The following LRMDA variants were observed in gnomAD, a reference collection of about 807,000 sequenced individuals.
LRMDA encodes leucine rich melanocyte differentiation associated.
Under a neutral mutation model 29.8 loss-of-function variants are expected in LRMDA, and 18 were observed. That is an observed-to-expected ratio of 0.60 (90% confidence interval 0.42 to 0.90). LRMDA has a LOEUF of 0.90. Among genes scored for constraint, LRMDA ranks in the 40% least tolerant of loss-of-function variants. The pLI is 0.00. For synonymous variants in LRMDA, 125 were observed against 109.4 expected (o/e 1.14, Z -0.89); for missense variants, 273 against 273.9 (o/e 1.00, Z 0.02).
At chr10:76,450,226 A>C (rs1248412939) in intron 6 of LRMDA, among the ~76,000 whole-genome samples, 1 of 152,086 alleles carries the variant, frequency 6.6e-6, no homozygotes, top group Non-Finnish European at 1.5e-5. Flanking sequence ...CTCTTAAGTT[A>C]TAGACTTTTC....
rs200930794 is a variant in LRMDA at position 75,552,603 on chromosome 10, TG to T, written c.131+114111del. The stretch of plus-strand genomic sequence containing the variant: ...GGATTTTCTGAGGTTCTTTGAACTG[TG>T]GTTTGCTCTTTTTAATTAATTTTGG... On this transcript the variant is annotated intron_variant, in intron 2 of 6. Coordinates refer to ENST00000611255, the MANE Select transcript of LRMDA (RefSeq NM_001305581.2). 2.7e-3 allele frequency: 1,207 copies of T among 447,802 alleles called. 11 individuals are homozygous for T. Among genetic ancestry groups the T allele is most frequent in the African/African-American group, 0.02 (975 of 48,084 alleles). The allele number at this position is 447,802 out of a possible 1,614,324, so 27.7% of individuals were successfully genotyped here.
chr10:76,214,468 C>T (rs1414839217), intron 5 of LRMDA, among the ~76,000 whole-genome samples: 1 of 151,810 alleles, frequency 6.6e-6, no homozygotes, highest in Non-Finnish European at 1.5e-5. Context: ...CCTCAGCCTC[C>T]CGAGTAGCTG....
At chr10:76,473,351 A>T (rs1589203583) in intron 6 of LRMDA, among the ~76,000 whole-genome samples, 1 of 151,556 alleles carries the variant, frequency 6.6e-6, no homozygotes, top group South Asian at 2.1e-4. Context: ...AAACTAGGAA[A>T]AGAAAGCTTC....
At chr10:76,028,684 T>C (rs1848100659) in intron 2 of LRMDA, among the ~76,000 whole-genome samples, 1 of 152,150 alleles carries the variant, frequency 6.6e-6, no homozygotes. Context: ...CATAGAGCAA[T>C]TTGAGCCATT....
intron 5 of LRMDA, among the ~76,000 whole-genome samples, chr10:76,081,199 G>A (rs562673896): frequency 1.3e-5 from 2 of 152,304 alleles, no homozygotes; most frequent in South Asian, 2.1e-4. Context: ...TATCTGGCAG[G>A]ATGCGGTGAC....
rs75929018 is a variant in LRMDA at position 75,938,727 on chromosome 10, T to C, written c.132-97281T>C. The stretch of plus-strand genomic sequence containing the variant: ...ACACTTTAAAGTGTAGTATCTGTTA[T>C]AGTGGCACTGCCTGAAGACCCTGAA... On this transcript the variant is annotated intron_variant, in intron 2 of 6. Transcript: ENST00000611255. Among the ~76,000 whole-genome samples the C allele has an allele frequency of 6.3e-3, 953 of 152,278 alleles. 52 individuals carry two copies. In the East Asian group the frequency reaches 0.14, roughly 23 times the overall value.
At chr10:76,256,972 A>C (rs1852606662) in intron 5 of LRMDA, among the ~76,000 whole-genome samples, 1 of 152,052 alleles carries the variant, frequency 6.6e-6, no homozygotes, top group Admixed American at 6.5e-5. Context: ...TTGAGAGATA[A>C]AGAAACAGGT....
At chr10:75,828,354 T>C (rs1456944132) in intron 2 of LRMDA, among the ~76,000 whole-genome samples, 1 of 152,234 alleles carries the variant, frequency 6.6e-6, no homozygotes, top group Admixed American at 6.5e-5. Flanking sequence ...CTATTTTATT[T>C]AGCAGGCATT....
chr10:75,839,902 G>C (rs1050442119), intron 2 of LRMDA, among the ~76,000 whole-genome samples: 1 of 151,902 alleles, frequency 6.6e-6, no homozygotes, highest in South Asian at 2.1e-4. Context: ...TAGAGACGGG[G>C]TTTCACCGTA....
At chr10:76,266,147 C>T (rs754307471) in intron 5 of LRMDA, among the ~76,000 whole-genome samples, 5 of 151,804 alleles carry the variant, frequency 3.3e-5, no homozygotes, top group African/African-American at 7.3e-5. Context: ...GAGGATTAAC[C>T]GGGATAATAA....
At chr10:76,129,597 C>A (rs959171882) in intron 5 of LRMDA, among the ~76,000 whole-genome samples, 15 of 152,102 alleles carry the variant, frequency 9.9e-5, no homozygotes, top group African/African-American at 3.6e-4. Flanking sequence ...TACCCAGAAC[C>A]ACTGTTCACT....
intron 6 of LRMDA, among the ~76,000 whole-genome samples, chr10:76,394,396 C>A (rs1841758867): frequency 6.6e-6 from 1 of 152,094 alleles, no homozygotes; most frequent in Non-Finnish European, 1.5e-5. Context: ...TTTTCACTGG[C>A]AATCATATAT....
intron 2 of LRMDA, among the ~76,000 whole-genome samples, chr10:75,901,191 G>C (rs1845666237): frequency 6.6e-6 from 1 of 152,188 alleles, no homozygotes; most frequent in Non-Finnish European, 1.5e-5. Flanking sequence ...TCTGGGAGTA[G>C]CCTCTGTGCT....
Position 75,769,004 on chromosome 10 carries a change from C to T in LRMDA, c.132-267004C>T, listed in dbSNP as rs142726668. ...AAGAGCACTTACTCCAAGGAGAAGT[C>T]AGACATAATGGGAGCTGGAACCCAT... On this transcript the variant is annotated intron_variant, in intron 2 of 6. Coordinates refer to ENST00000611255, the MANE Select transcript of LRMDA (RefSeq NM_001305581.2). Among the ~76,000 whole-genome samples, 138 of 152,302 alleles carry T rather than the reference C, an allele frequency of 9.1e-4. 1 individual carries two copies. Among genetic ancestry groups the T allele is most frequent in the African/African-American group, 3.0e-3 (123 of 41,566 alleles).
chr10:75,461,504 A>G (rs1044226995), intron 2 of LRMDA, among the ~76,000 whole-genome samples: 1 of 152,160 alleles, frequency 6.6e-6, no homozygotes, highest in African/African-American at 2.4e-5. Context: ...CTCAAATGCC[A>G]AGGTACTTTG....
chr10:76,167,602 A>T (rs1212062349), intron 5 of LRMDA, among the ~76,000 whole-genome samples: 1 of 152,004 alleles, frequency 6.6e-6, no homozygotes, highest in Admixed American at 6.6e-5. Flanking sequence ...ATTCTGTTCC[A>T]TTGGTCTATG....
intron 2 of LRMDA, among the ~76,000 whole-genome samples, chr10:75,714,000 T>TGTGCCACTTATTTCTCTC (rs1842468567): frequency 5.3e-5 from 8 of 152,200 alleles, no homozygotes; most frequent in Admixed American, 5.2e-4. Context: ...GTATTTTTCT[T>TGTGCCACTTATTTCTCTC]GTGCCACTTA....
At chr10:76,332,149 T>C (rs745835027) in intron 6 of LRMDA, among the ~76,000 whole-genome samples, 4 of 152,134 alleles carry the variant, frequency 2.6e-5, no homozygotes, top group African/African-American at 4.8e-5. Context: ...GTAGTGTAGA[T>C]TAAAACTTCC....
chr10:76,208,492 G>A (rs2132242246), intron 5 of LRMDA, among the ~76,000 whole-genome samples: 1 of 152,252 alleles, frequency 6.6e-6, no homozygotes, highest in Non-Finnish European at 1.5e-5. Context: ...CAATCCCGGA[G>A]CCCAGTGGAA....
Sources: gnomAD v4.1 joint callset for allele counts (sites outside exome capture counted in the v4.1 genomes callset) on GRCh38, gnomAD v4.1.1 for gene constraint, MANE v1.5 for transcripts, NCBI Gene and HGNC (gene_info 2026-07-23, HGNC 2026-07-21) for gene names.